KCNB2: variants seen among roughly 807,000 people sequenced by gnomAD.
KCNB2 encodes potassium voltage-gated channel subfamily B member 2.
In KCNB2, 15 loss-of-function variants were observed where a neutral mutation model predicts 61.5. The ratio of observed to expected loss-of-function variants is 0.24; its 90% CI spans 0.16 to 0.38. The LOEUF (loss-of-function observed/expected upper bound fraction) is 0.38, where lower values mean the gene tolerates loss of function less well. Ranked by LOEUF, KCNB2 falls within the 10% of genes least tolerant of loss-of-function variation. KCNB2 has a pLI of 1.00. For synonymous variants in KCNB2, 457 were observed against 446.0 expected (o/e 1.02, Z -0.31); for missense variants, 828 against 1,125.2 (o/e 0.74, Z 3.78).
At chr8:72,578,425 A>G (rs1806838393) in intron 2 of KCNB2, among the ~76,000 whole-genome samples, 1 of 152,218 alleles carries the variant, frequency 6.6e-6, no homozygotes, top group Non-Finnish European at 1.5e-5. Context: ...GCTATGTAAA[A>G]AAGCTAACAC....
intron 1 of KCNB2, among the ~76,000 whole-genome samples, chr8:72,565,759 T>G (rs745717151): frequency 3.9e-5 from 6 of 152,114 alleles, no homozygotes; most frequent in Non-Finnish European, 8.8e-5. Flanking sequence ...TCCCAATAAC[T>G]CCATTTTTGC....
intron 2 of KCNB2, among the ~76,000 whole-genome samples, chr8:72,688,126 A>G (rs953469948): frequency 2.0e-5 from 3 of 152,194 alleles, no homozygotes; most frequent in African/African-American, 7.2e-5. Flanking sequence ...TCCTACATAA[A>G]GCATATCCTG....
chr8:72,802,433 T>A lies in KCNB2; in HGVS notation c.580-133502T>A, dbSNP rs143879381. Among the ~76,000 whole-genome samples the A allele has an allele frequency of 3.3e-3, 510 of 152,314 alleles. 3 individuals are homozygous for A. The highest frequency in any genetic ancestry group is 0.012 in the African/African-American group (492 of 41,574). ...TTGTCTTTAGATATACACTCAAAAG[T>A]ATTGATGTTCTTTCTTTGCTGATAT... On this transcript the variant is annotated intron_variant, in intron 2 of 2. Coordinates refer to ENST00000523207, the MANE Select transcript of KCNB2 (RefSeq NM_004770.3).
chr8:72,897,622 A>G (rs1265314289), intron 2 of KCNB2, among the ~76,000 whole-genome samples: 1 of 152,140 alleles, frequency 6.6e-6, no homozygotes, highest in Non-Finnish European at 1.5e-5. Context: ...GCAAAACTGA[A>G]GCTTAGGGTT....
At chr8:72,674,250 A>G (rs1806614067) in intron 2 of KCNB2, among the ~76,000 whole-genome samples, 1 of 152,250 alleles carries the variant, frequency 6.6e-6, no homozygotes, top group Admixed American at 6.5e-5. Context: ...ATATCTACCT[A>G]AAAAGGTGTT....
chr8:72,886,189 C>T (rs1805804490), intron 2 of KCNB2, among the ~76,000 whole-genome samples: 1 of 152,180 alleles, frequency 6.6e-6, no homozygotes, highest in Non-Finnish European at 1.5e-5. Flanking sequence ...ACTTCAACGG[C>T]AGCCTGTGAG....
At chr8:72,850,498 G>C (rs1810082372) in intron 2 of KCNB2, among the ~76,000 whole-genome samples, 1 of 152,118 alleles carries the variant, frequency 6.6e-6, no homozygotes, top group Non-Finnish European at 1.5e-5. Context: ...TGAAATTACA[G>C]GTGTGAGCCA....
chr8:72,842,970 TCTC>T (rs1424736628), intron 2 of KCNB2, among the ~76,000 whole-genome samples: 3 of 152,200 alleles, frequency 2.0e-5, no homozygotes, highest in Admixed American at 2.0e-4. Flanking sequence ...TTATTTGCCT[TCTC>T]CTAGCCTTTG....
At chr8:72,544,171 A>G (rs1329944171) in intron 1 of KCNB2, among the ~76,000 whole-genome samples, 3 of 152,210 alleles carry the variant, frequency 2.0e-5, no homozygotes, top group Non-Finnish European at 4.4e-5. Flanking sequence ...GTAGATGGAG[A>G]GCATTCTAGG....
At chr8:72,701,866 A>C (rs1394346068) in intron 2 of KCNB2, among the ~76,000 whole-genome samples, 1 of 152,162 alleles carries the variant, frequency 6.6e-6, no homozygotes, top group Non-Finnish European at 1.5e-5. Flanking sequence ...TTAAGTAGAA[A>C]AACTTACAAA....
chr8:72,791,216 A>G (rs1305577343), intron 2 of KCNB2, among the ~76,000 whole-genome samples: 2 of 152,150 alleles, frequency 1.3e-5, no homozygotes, highest in Non-Finnish European at 2.9e-5. Context: ...CTTTGCAAGT[A>G]GCCCATTTTG....
chr8:72,674,977 A>T (rs1806627652), intron 2 of KCNB2, among the ~76,000 whole-genome samples: 1 of 152,216 alleles, frequency 6.6e-6, no homozygotes, highest in South Asian at 2.1e-4. Flanking sequence ...ACATGTTCCT[A>T]TAACAACCCA....
chr8:72,803,201 C>T, intron 2 of KCNB2, among the ~76,000 whole-genome samples: 1 of 152,152 alleles, frequency 6.6e-6, no homozygotes, highest in Non-Finnish European at 1.5e-5. Context: ...GGAGTCAGAG[C>T]AGATGATTGC....
chr8:72,930,920 T>C (rs1806768564), intron 2 of KCNB2, among the ~76,000 whole-genome samples: 1 of 152,256 alleles, frequency 6.6e-6, no homozygotes. Context: ...CTAGGGTTTT[T>C]ATGGTTTTAG....
chr8:72,608,632 C>A (rs1230929567), intron 2 of KCNB2, among the ~76,000 whole-genome samples: 9 of 151,926 alleles, frequency 5.9e-5, no homozygotes, highest in African/African-American at 2.2e-4. Context: ...CGGGGTACCA[C>A]CAATGGTGAG....
intron 2 of KCNB2, among the ~76,000 whole-genome samples, chr8:72,836,878 C>G (rs948512874): frequency 6.6e-6 from 1 of 152,194 alleles, no homozygotes; most frequent in African/African-American, 2.4e-5. Context: ...CCACTACACT[C>G]CAGCCTGGGT....
intron 2 of KCNB2, among the ~76,000 whole-genome samples, chr8:72,596,283 C>A (rs1458128199): frequency 6.6e-6 from 1 of 152,144 alleles, no homozygotes; most frequent in African/African-American, 2.4e-5. Context: ...ATGTCATCAG[C>A]AAAGAGCAGC....
rs949509676 is a variant in KCNB2, at chr8:72,606,384, G to C, written c.579+38071G>C. Among the ~76,000 whole-genome samples the C allele has an allele frequency of 3.3e-5, 5 of 152,228 alleles. No homozygotes were observed. The East Asian group carries it at 7.7e-4, about 24-fold the overall frequency. ...AAAAGAAAATACAGAATTATAGATG[G>C]AATATTATACTATTGTATAACGTAA... On this transcript the variant is annotated intron_variant, in intron 2 of 2. Transcript: ENST00000523207.
chr8:72,554,351 T>C (rs553163820), intron 1 of KCNB2, among the ~76,000 whole-genome samples: 2 of 152,236 alleles, frequency 1.3e-5, no homozygotes, highest in East Asian at 1.9e-4. Context: ...CTTATTTATA[T>C]TTTATGGTCT....
Sources: gnomAD v4.1 joint callset for allele counts (sites outside exome capture counted in the v4.1 genomes callset) on GRCh38, gnomAD v4.1.1 for gene constraint, MANE v1.5 for transcripts, NCBI Gene and HGNC (gene_info 2026-07-23, HGNC 2026-07-21) for gene names.